The following LIN28B variants were observed in gnomAD, a reference collection of about 807,000 sequenced individuals.
LIN28B encodes the protein protein lin-28 homolog B.
LIN28B carries 5 observed loss-of-function variants against 21.9 expected under a neutral mutation model. That is an observed-to-expected ratio of 0.23 (90% CI 0.12 to 0.48). The LOEUF is 0.48. Ranked by LOEUF, LIN28B falls within the 20% of genes least tolerant of loss-of-function variation. The probability of loss-of-function intolerance (pLI) is 0.98; values close to 1 mark genes in which losing one functional copy is unlikely to be tolerated. For synonymous variants in LIN28B, 109 were observed against 111.3 expected (o/e 0.98, Z 0.13); for missense variants, 245 against 310.5 (o/e 0.79, Z 1.58).
Position 105,079,457 on chromosome 6 carries a change from GC to G in LIN28B, c.*675del, listed in dbSNP as rs1262508810. On this transcript the variant is annotated 3_prime_UTR_variant, in exon 4 of 4. Transcript: ENST00000345080. Reference sequence around the variant, plus strand: ...CTTCATATGCCTCTGACTGCCATAAGCTTTTTTGATTCTGGGATAACATAAC... The same window carrying G: ...CTTCATATGCCTCTGACTGCCATAAGTTTTTTGATTCTGGGATAACATAAC... The G allele has an allele frequency of 1.3e-5, 2 of 152,528 alleles. No individual in the cohort carries two copies. The highest frequency in any genetic ancestry group is 4.8e-5 in the African/African-American group (2 of 41,410). 9.4% of individuals were successfully genotyped at this position (152,528 alleles called of 1,614,324 possible).
At chr6:105,051,199 G>A (rs983786470) in intron 3 of LIN28B, among the ~76,000 whole-genome samples, 1 of 151,676 alleles carries the variant, frequency 6.6e-6, no homozygotes, top group African/African-American at 2.4e-5. Flanking sequence ...CCAGCACTTT[G>A]GGAGGCCGAG....
chr6:104,982,781 C>A (rs183000870), intron 2 of LIN28B, among the ~76,000 whole-genome samples: 210 of 152,132 alleles, frequency 1.4e-3, no homozygotes, highest in Non-Finnish European at 2.1e-3. Context: ...ATCTTTTAAA[C>A]ATCTTCTAAA....
chr6:104,991,402 C>T (rs1770474480), intron 2 of LIN28B, among the ~76,000 whole-genome samples: 1 of 151,868 alleles, frequency 6.6e-6, no homozygotes, highest in South Asian at 2.1e-4. Context: ...AGGCGCTCCT[C>T]ACATCCCAGA....
rs574004784 is a variant in LIN28B at position 104,973,110 on chromosome 6, C to CA, written c.198+14839dup. On this transcript the variant is annotated intron_variant, in intron 2 of 3. Transcript: ENST00000345080. ...TGGGGGATAGAGTGACACTCTGTCTCAAAAAAAAAAAAAAAGTCTTAACAA... is the reference window on the plus strand; with the variant it reads ...TGGGGGATAGAGTGACACTCTGTCTCAAAAAAAAAAAAAAAAGTCTTAACAA... 2.2e-3 allele frequency among the ~76,000 whole-genome samples: 235 copies of CA among 105,762 alleles called. 1 individual carries two copies. The highest frequency in any genetic ancestry group is 2.4e-3 in the East Asian group (9 of 3,728). 69.4% of individuals were successfully genotyped at this position (105,762 alleles called of 152,430 possible). A position where few individuals can be genotyped will look rare whatever the true frequency, so the allele number is the denominator to read the frequency against.
rs1449019178 is a variant in LIN28B at position 105,039,852 on chromosome 6, G to A, written c.383+13370G>A. 2.6e-5 allele frequency among the ~76,000 whole-genome samples: 4 copies of A among 152,170 alleles called. No individual in the cohort carries two copies. The South Asian group carries it at 6.2e-4, about 24-fold the overall frequency. ...AGAAAAGCTGTGTAAAGATTTAGGGGAAAGTTTTGTCTCTTTTCCAAGAGT... is the reference window on the plus strand; with the variant it reads ...AGAAAAGCTGTGTAAAGATTTAGGGAAAAGTTTTGTCTCTTTTCCAAGAGT... On this transcript the variant is annotated intron_variant, in intron 3 of 3. Coordinates refer to ENST00000345080, the MANE Select transcript of LIN28B (RefSeq NM_001004317.4).
At chr6:105,044,180 T>G (rs1434388613) in intron 3 of LIN28B, among the ~76,000 whole-genome samples, 1 of 152,196 alleles carries the variant, frequency 6.6e-6, no homozygotes, top group East Asian at 1.9e-4. Context: ...TTCCCCTTAC[T>G]CAGCATCTCT....
At chr6:104,991,588 G>A (rs1437115445) in intron 2 of LIN28B, among the ~76,000 whole-genome samples, 3 of 151,988 alleles carry the variant, frequency 2.0e-5, no homozygotes, top group South Asian at 2.1e-4. Context: ...GGGCAGAGAC[G>A]CTCCTCACTT....
chr6:104,981,210 T>G (rs571585719), intron 2 of LIN28B, among the ~76,000 whole-genome samples: 2 of 152,004 alleles, frequency 1.3e-5, no homozygotes, highest in Non-Finnish European at 2.9e-5. Context: ...ACCACTTGGG[T>G]TTTTTTTCCT....
intron 3 of LIN28B, among the ~76,000 whole-genome samples, chr6:105,073,478 A>G (rs1287911528): frequency 6.6e-6 from 1 of 151,926 alleles, no homozygotes; most frequent in African/African-American, 2.4e-5. Context: ...CAAAGCTTGC[A>G]CTTCTTTCTC....
intron 3 of LIN28B, among the ~76,000 whole-genome samples, chr6:105,063,644 G>T (rs55661787): frequency 0.075 from 10,536 of 141,422 alleles, 709 homozygotes; most frequent in Middle Eastern, 0.093. Flanking sequence ...TCGGGGGGGG[G>T]GGGGAAAAAA....
At chr6:104,965,662 C>T (rs1769839857) in intron 2 of LIN28B, among the ~76,000 whole-genome samples, 1 of 152,192 alleles carries the variant, frequency 6.6e-6, no homozygotes, top group African/African-American at 2.4e-5. Flanking sequence ...CCTGGGATTA[C>T]AGGCATGAGC....
At chr6:105,049,940 C>T (rs181689726) in intron 3 of LIN28B, among the ~76,000 whole-genome samples, 3,627 of 152,184 alleles carry the variant, frequency 0.024, 141 homozygotes, top group African/African-American at 0.082. Flanking sequence ...ACTGATGGGT[C>T]TTGACTTTTT....
chr6:105,046,065 G>A (rs1055351386), intron 3 of LIN28B, among the ~76,000 whole-genome samples: 8 of 151,786 alleles, frequency 5.3e-5, no homozygotes, highest in African/African-American at 1.5e-4. Context: ...TGTGCACAAC[G>A]TGCAGGTTTG....
At chr6:104,970,773 T>C (rs966369792) in intron 2 of LIN28B, among the ~76,000 whole-genome samples, 1 of 152,154 alleles carries the variant, frequency 6.6e-6, no homozygotes, top group African/African-American at 2.4e-5. Context: ...AAATACGTTA[T>C]AGGACTACAT....
intron 2 of LIN28B, among the ~76,000 whole-genome samples, chr6:104,998,889 A>G (rs1770665763): frequency 6.6e-6 from 1 of 152,146 alleles, no homozygotes; most frequent in Non-Finnish European, 1.5e-5. Context: ...CTATATTTTT[A>G]TTACTAGACT....
chr6:105,039,824 T>C (rs926161648), intron 3 of LIN28B, among the ~76,000 whole-genome samples: 2 of 152,204 alleles, frequency 1.3e-5, no homozygotes, highest in African/African-American at 4.8e-5. Flanking sequence ...TTGCCTACTG[T>C]AGAGAAAAGC....
intron 3 of LIN28B, among the ~76,000 whole-genome samples, chr6:104,951,111 A>G (rs973005618): frequency 5.9e-5 from 9 of 152,138 alleles, no homozygotes; most frequent in African/African-American, 2.2e-4. Flanking sequence ...GACTTTTGAC[A>G]TGCTTTCTTA....
intron 3 of LIN28B, among the ~76,000 whole-genome samples, chr6:105,073,026 C>G (rs774945991): frequency 1.3e-5 from 2 of 152,008 alleles, no homozygotes; most frequent in Non-Finnish European, 2.9e-5. Context: ...AGGAGGTGTA[C>G]AGGGTAGGCA....
chr6:104,999,220 A>G (rs778557196), intron 2 of LIN28B, among the ~76,000 whole-genome samples: 8 of 152,144 alleles, frequency 5.3e-5, no homozygotes, highest in Non-Finnish European at 1.5e-5. Flanking sequence ...GCTCATTGCA[A>G]CCTTGAACTC....
Sources: allele counts gnomAD v4.1 joint callset (sites outside exome capture counted in the v4.1 genomes callset), GRCh38; gene constraint gnomAD v4.1.1; transcripts MANE v1.5; gene names NCBI Gene and HGNC (gene_info 2026-07-23, HGNC 2026-07-21).